Variants in DPP6 observed in about 807,000 individuals in gnomAD.
DPP6 encodes the protein dipeptidyl peptidase like 6, also known as A-type potassium channel modulatory protein DPP6.
DPP6 carries 69 observed loss-of-function variants against 122.6 expected under a neutral mutation model. The ratio of observed to expected loss-of-function variants is 0.56; its 90% CI spans 0.46 to 0.69. DPP6 has a LOEUF of 0.69. DPP6 is among the 30% of genes least tolerant of loss of function. The pLI, the probability that DPP6 is intolerant of heterozygous loss-of-function variation, is 0.00. For missense variants in DPP6, 928 were observed against 1,116.9 expected (o/e 0.83, Z 2.41); for synonymous variants, 418 against 433.1 (o/e 0.97, Z 0.43).
chr7:154,129,724 C>G (rs138851324), intron 1 of DPP6, among the ~76,000 whole-genome samples: 1 of 151,988 alleles, frequency 6.6e-6, no homozygotes, highest in Non-Finnish European at 1.5e-5. Flanking sequence ...ACAGTGAAAC[C>G]CTGTCTCTGC....
chr7:154,329,353 C>T (rs6959816), intron 1 of DPP6, among the ~76,000 whole-genome samples: 30,186 of 152,204 alleles, frequency 0.2, 4,039 homozygotes, highest in African/African-American at 0.38. Context: ...TGATCAGGGA[C>T]GATGAGCTTT....
chr7:153,780,825 C>A, the DPP6 span, among the ~76,000 whole-genome samples: 16 of 152,138 alleles, frequency 1.1e-4, no homozygotes, highest in Admixed American at 8.5e-4. Flanking sequence ...TTCTGGTCCT[C>A]CAAGTTCCCA....
chr7:154,658,132 A>T, intron 6 of DPP6, among the ~76,000 whole-genome samples: 1 of 152,160 alleles, frequency 6.6e-6, no homozygotes, highest in East Asian at 1.9e-4. Flanking sequence ...ATTTGTCACA[A>T]CTCACAGAAC....
chr7:154,308,451 A>G (rs1806569237), intron 1 of DPP6, among the ~76,000 whole-genome samples: 1 of 152,152 alleles, frequency 6.6e-6, no homozygotes, highest in Non-Finnish European at 1.5e-5. Flanking sequence ...GCTAAAGTTT[A>G]TTTTTAAATG....
intron 6 of DPP6, among the ~76,000 whole-genome samples, chr7:154,638,684 A>G (rs1299433170): frequency 1.3e-5 from 2 of 152,222 alleles, no homozygotes; most frequent in Non-Finnish European, 2.9e-5. Flanking sequence ...AGAGCAGAAA[A>G]GACATTGGTT....
intron 7 of DPP6, among the ~76,000 whole-genome samples, chr7:154,680,695 A>T (rs199867206): frequency 3.2e-4 from 26 of 80,618 alleles, no homozygotes; most frequent in South Asian, 1.6e-3. Flanking sequence ...TATTTTTTTT[A>T]AAAAAAAATT....
intron 8 of DPP6, among the ~76,000 whole-genome samples, chr7:154,763,200 C>T (rs1045662957): frequency 6.6e-6 from 1 of 152,068 alleles, no homozygotes; most frequent in Non-Finnish European, 1.5e-5. Flanking sequence ...GGTGTGGTGG[C>T]GGGTGCCTGT....
At chr7:154,525,207 A>C (rs529860794) in intron 3 of DPP6, among the ~76,000 whole-genome samples, 50 of 152,360 alleles carry the variant, frequency 3.3e-4, no homozygotes, top group African/African-American at 1.2e-3. Flanking sequence ...GCGGTGGCAC[A>C]ATCATAGCTC....
At chr7:153,877,757 C>T in the DPP6 span, among the ~76,000 whole-genome samples, 1 of 152,020 alleles carries the variant, frequency 6.6e-6, no homozygotes, top group African/African-American at 2.4e-5. Flanking sequence ...TAGGTAAACA[C>T]CAGGGAAGAT....
intron 4 of DPP6, among the ~76,000 whole-genome samples, chr7:154,551,227 T>C (rs755382339): frequency 6.6e-6 from 1 of 152,212 alleles, no homozygotes; most frequent in Non-Finnish European, 1.5e-5. Flanking sequence ...CTCCAAGTAG[T>C]CTTGAAATAG....
chr7:154,302,736 C>T (rs1004271796), intron 1 of DPP6, among the ~76,000 whole-genome samples: 5 of 152,244 alleles, frequency 3.3e-5, no homozygotes, highest in Non-Finnish European at 5.9e-5. Flanking sequence ...AAATGGGATG[C>T]ACCCACATGG....
chr7:154,023,450 C>T (rs565392157), intron 1 of DPP6, among the ~76,000 whole-genome samples: 3,479 of 150,890 alleles, frequency 0.023, 144 homozygotes, highest in African/African-American at 0.082. Context: ...CTTTGCCATT[C>T]GGTTTAATGG....
At chr7:154,484,834 G>T (rs1823648101) in intron 3 of DPP6, among the ~76,000 whole-genome samples, 2 of 152,188 alleles carry the variant, frequency 1.3e-5, no homozygotes, top group Middle Eastern at 3.2e-3. Flanking sequence ...ATATCAGCTG[G>T]CTGGTTGATA....
At chr7:154,260,772 G>A (rs1301367006) in intron 1 of DPP6, among the ~76,000 whole-genome samples, 1 of 148,304 alleles carries the variant, frequency 6.7e-6, no homozygotes, top group East Asian at 2.0e-4. Flanking sequence ...TCTTGCAATT[G>A]TGAATTGTGC....
At chr7:154,389,143 A>G (rs1814388220) in intron 1 of DPP6, among the ~76,000 whole-genome samples, 1 of 152,150 alleles carries the variant, frequency 6.6e-6, no homozygotes, top group Non-Finnish European at 1.5e-5. Context: ...TTTATGTAGA[A>G]ACGTCGATAA....
chr7:154,184,431 T>G (rs1286633587), intron 1 of DPP6, among the ~76,000 whole-genome samples: 1 of 151,864 alleles, frequency 6.6e-6, no homozygotes, highest in African/African-American at 2.4e-5. Flanking sequence ...AGTCTGTGGT[T>G]GTTGGTAAGC....
At chr7:154,334,264 T>A (rs553313811) in intron 1 of DPP6, among the ~76,000 whole-genome samples, 114 of 152,158 alleles carry the variant, frequency 7.5e-4, no homozygotes, top group South Asian at 4.8e-3. Flanking sequence ...TGCCGGCTGC[T>A]CTGCCAGGAA....
At chr7:153,808,202 TGA>T in the DPP6 span, among the ~76,000 whole-genome samples, 2 of 129,014 alleles carry the variant, frequency 1.6e-5, no homozygotes, top group East Asian at 4.4e-4. Flanking sequence ...TGTGTGTGCC[TGA>T]GTGTGTGTGC....
At chr7:154,127,620 C>CACACACACACACACACAG (rs1563225612) in intron 1 of DPP6, among the ~76,000 whole-genome samples, 4 of 119,490 alleles carry the variant, frequency 3.3e-5, no homozygotes, top group African/African-American at 1.6e-4. Context: ...CACACACACA[C>CACACACACACACACACAG]ACACACACAC....
Sources: gnomAD v4.1 joint callset for allele counts (sites outside exome capture counted in the v4.1 genomes callset) on GRCh38, gnomAD v4.1.1 for gene constraint, MANE v1.5 for transcripts, NCBI Gene and HGNC (gene_info 2026-07-23, HGNC 2026-07-21) for gene names.